The following LDLRAD4 variants were observed in gnomAD, a reference collection of about 807,000 sequenced individuals.
LDLRAD4 encodes the protein low-density lipoprotein receptor class A domain-containing protein 4.
LDLRAD4 carries 5 observed loss-of-function variants against 17.0 expected under a neutral mutation model. The observed-to-expected ratio is 0.29, with a 90% CI of 0.15 to 0.62. The LOEUF (loss-of-function observed/expected upper bound fraction) is 0.62. Ranked by LOEUF, LDLRAD4 falls within the 20% of genes least tolerant of loss-of-function variation. The pLI is 0.84. For missense variants in LDLRAD4, 340 were observed against 424.7 expected (o/e 0.80, Z 1.75); for synonymous variants, 168 against 171.8 (o/e 0.98, Z 0.17).
intron 3 of LDLRAD4, among the ~76,000 whole-genome samples, chr18:13,480,985 T>C (rs1434343691): frequency 6.6e-6 from 1 of 152,212 alleles, no homozygotes; most frequent in Non-Finnish European, 1.5e-5. Context: ...TCCAGCATTC[T>C]GGCCTGATCG....
chr18:13,344,990 A>G (rs551243254), intron 1 of LDLRAD4, among the ~76,000 whole-genome samples: 14 of 152,312 alleles, frequency 9.2e-5, no homozygotes, highest in Non-Finnish European at 1.8e-4. Context: ...TTCTGAGACA[A>G]TGGGGTTTTC....
At chr18:13,640,275 A>C (rs1052568657) in intron 4 of LDLRAD4, among the ~76,000 whole-genome samples, 1 of 127,730 alleles carries the variant, frequency 7.8e-6, no homozygotes, top group Admixed American at 9.4e-5. Flanking sequence ...CCTGGGCAAC[A>C]GAGCGAGATT....
intron 1 of LDLRAD4, chr18:13,278,515 A>G (rs752517646): frequency 2.6e-5 from 4 of 152,194 alleles, no homozygotes; most frequent in Non-Finnish European, 5.9e-5. Flanking sequence ...GCTCCGCTCG[A>G]GACGCCATGT....
At chr18:13,412,372 A>G (rs2088455652) in intron 2 of LDLRAD4, among the ~76,000 whole-genome samples, 1 of 152,158 alleles carries the variant, frequency 6.6e-6, no homozygotes, top group Non-Finnish European at 1.5e-5. Flanking sequence ...TTTCTCTCTG[A>G]AAAATTTCTG....
chr18:13,577,305 T>A (rs959900351), intron 3 of LDLRAD4, among the ~76,000 whole-genome samples: 1 of 152,154 alleles, frequency 6.6e-6, no homozygotes, highest in Non-Finnish European at 1.5e-5. Flanking sequence ...ACAAAGGACA[T>A]GTTCAGCAGC....
At chr18:13,364,990 G>C (rs1016340877) in intron 1 of LDLRAD4, among the ~76,000 whole-genome samples, 1 of 152,210 alleles carries the variant, frequency 6.6e-6, no homozygotes, top group African/African-American at 2.4e-5. Flanking sequence ...CATGAAAGCA[G>C]CTAGTGAGCG....
intron 4 of LDLRAD4, among the ~76,000 whole-genome samples, chr18:13,636,739 AT>A (rs1226557599): frequency 1.3e-5 from 2 of 150,976 alleles, no homozygotes; most frequent in Non-Finnish European, 2.9e-5. Flanking sequence ...ACCTCAGGTG[AT>A]TTGCCTGCCT....
At chr18:13,552,168 A>G (rs75276091) in intron 3 of LDLRAD4, among the ~76,000 whole-genome samples, 5,550 of 152,276 alleles carry the variant, frequency 0.036, 262 homozygotes, top group Admixed American at 0.13. Context: ...AGTGTGAACA[A>G]TGTGAGGCAC....
intron 1 of LDLRAD4, among the ~76,000 whole-genome samples, chr18:13,289,487 C>G (rs557137228): frequency 1.3e-5 from 2 of 152,222 alleles, no homozygotes; most frequent in East Asian, 3.9e-4. Flanking sequence ...TCACTTAACA[C>G]GAAATCTTCA....
intron 3 of LDLRAD4, among the ~76,000 whole-genome samples, chr18:13,600,528 CAGAATCTGT>C (rs2095149020): frequency 6.6e-6 from 1 of 152,208 alleles, no homozygotes; most frequent in African/African-American, 2.4e-5. Flanking sequence ...TGACAGCAGA[CAGAATCTGT>C]AGCCTAAGAC....
At chr18:13,519,947 CTTAAAG>C (rs2093927886) in intron 3 of LDLRAD4, 1 of 152,144 alleles carries the variant, frequency 6.6e-6, no homozygotes, top group South Asian at 2.1e-4. Context: ...AGTACAAAAG[CTTAAAG>C]TTTAAAACAT....
intron 3 of LDLRAD4, among the ~76,000 whole-genome samples, chr18:13,597,655 A>G (rs890083181): frequency 1.3e-5 from 2 of 152,074 alleles, no homozygotes; most frequent in African/African-American, 4.8e-5. Context: ...GTCTTTATCA[A>G]TCTATAAGTT....
At chr18:13,581,363 A>G (rs978770027) in intron 3 of LDLRAD4, among the ~76,000 whole-genome samples, 3 of 152,130 alleles carry the variant, frequency 2.0e-5, no homozygotes, top group African/African-American at 7.2e-5. Flanking sequence ...CCTGCAGTCT[A>G]TGTACAGGCC....
chr18:13,322,027 T>G (rs934017941), intron 1 of LDLRAD4, among the ~76,000 whole-genome samples: 1 of 151,630 alleles, frequency 6.6e-6, no homozygotes, highest in Admixed American at 6.6e-5. Context: ...GCAATGCTTG[T>G]TCTTTTTATT....
At chr18:13,474,511 G>T (rs1019194377) in intron 3 of LDLRAD4, among the ~76,000 whole-genome samples, 11 of 152,228 alleles carry the variant, frequency 7.2e-5, no homozygotes, top group African/African-American at 2.7e-4. Flanking sequence ...GAAAGTGATG[G>T]TGTGGCCAGT....
chr18:13,605,139 T>C (rs1378140165), intron 3 of LDLRAD4, among the ~76,000 whole-genome samples: 2 of 152,292 alleles, frequency 1.3e-5, no homozygotes, highest in African/African-American at 4.8e-5. Context: ...TCTCTTAACA[T>C]ATGGTGTCCA....
chr18:13,473,678 T>TATATATAAATAA (rs374731826), intron 3 of LDLRAD4, among the ~76,000 whole-genome samples: 1 of 79,986 alleles, frequency 1.3e-5, no homozygotes, highest in South Asian at 4.2e-4. Flanking sequence ...TATATATATA[T>TATATATAAATAA]AACGTTTACA....
chr18:13,362,687 G>A (rs2083757152), intron 1 of LDLRAD4: 1 of 152,204 alleles, frequency 6.6e-6, no homozygotes, highest in Admixed American at 6.5e-5. Flanking sequence ...TTAATGGTAT[G>A]GAAACCAATT....
chr18:13,393,619 A>G (rs1444235102), intron 2 of LDLRAD4, among the ~76,000 whole-genome samples: 2 of 152,158 alleles, frequency 1.3e-5, no homozygotes. Flanking sequence ...AAACAGTGTC[A>G]TGAGACCGTC....
Sources: gnomAD v4.1 joint callset for allele counts (sites outside exome capture counted in the v4.1 genomes callset) on GRCh38, gnomAD v4.1.1 for gene constraint, MANE v1.5 for transcripts, NCBI Gene and HGNC (gene_info 2026-07-23, HGNC 2026-07-21) for gene names.